RB1CC1: variants seen among roughly 807,000 people sequenced by gnomAD.
RB1CC1 encodes the protein RB1-inducible coiled-coil protein 1.
RB1CC1 carries 46 observed loss-of-function variants against 177.5 expected under a neutral mutation model. The observed-to-expected ratio is 0.26, with a 90% CI of 0.20 to 0.33. The LOEUF (loss-of-function observed/expected upper bound fraction) is 0.33, where lower values mean the gene tolerates loss of function less well. Among genes scored for constraint, RB1CC1 ranks in the 10% least tolerant of loss-of-function variants. The pLI, the probability that RB1CC1 is intolerant of heterozygous loss-of-function variation, is 1.00. For synonymous variants in RB1CC1, 666 were observed against 613.6 expected (o/e 1.09, Z -1.26); for missense variants, 1,703 against 1,816.3 (o/e 0.94, Z 1.13).
At position 52,627,997 on chromosome 8, in the gene RB1CC1, C is replaced by T. The variant is rs766656132; in HGVS notation, c.4636+35G>A. The T allele has an allele frequency of 7.3e-6, 11 of 1,508,626 alleles. No homozygotes were observed. In the Admixed American group the frequency reaches 2.8e-4, roughly 38 times the overall value. 93.5% of individuals were successfully genotyped at this position (1,508,626 alleles called of 1,614,324 possible). A position where few individuals can be genotyped will look rare whatever the true frequency, so the allele number is the denominator to read the frequency against. ...CTTTACTTATATAATTTCCTCCATTCCAGGTTTATATTTTAGTCATGGAAT... is the reference window on the plus strand; with the variant it reads ...CTTTACTTATATAATTTCCTCCATTTCAGGTTTATATTTTAGTCATGGAAT... On this transcript the variant is annotated intron_variant, in intron 22 of 23. Coordinates refer to ENST00000025008, the MANE Select transcript of RB1CC1 (RefSeq NM_014781.5).
chr8:52,658,503 G>C (rs997243450), intron 13 of RB1CC1, among the ~76,000 whole-genome samples: 5 of 151,358 alleles, frequency 3.3e-5, no homozygotes, highest in African/African-American at 1.2e-4. Flanking sequence ...CTGGAACATG[G>C]GAGGTGAAGG....
At position 52,673,884 on chromosome 8, in the gene RB1CC1, C is replaced by T. The variant is rs983697282; in HGVS notation, c.963G>A (p.Val321=). The T allele has an allele frequency of 1.2e-6, 2 of 1,612,484 alleles. No individual in the cohort carries two copies. Among genetic ancestry groups the T allele is most frequent in the Non-Finnish European group, 1.7e-6 (2 of 1,178,858 alleles). ...WINVQDRPND[V]ESLVRKCFDS... is the part of the protein sequence containing the mutation. ...CAAAGCACTTCCTGACCAAAGATTC[C>T]ACATCATTAGGTCTATCTTGAACAT... The change falls in exon 7 of 24, where the codon GTG becomes GTA. Residue 321 remains valine, a synonymous_variant. Coordinates refer to ENST00000025008, the MANE Select transcript of RB1CC1 (RefSeq NM_014781.5).
intron 2 of RB1CC1, among the ~76,000 whole-genome samples, chr8:52,686,371 C>A (rs569125825): frequency 6.6e-6 from 1 of 152,164 alleles, no homozygotes; most frequent in Non-Finnish European, 1.5e-5. Context: ...CAGCAACACC[C>A]TGTCTGCACA....
rs1416845904 is a variant in RB1CC1, at chr8:52,622,573, T to A, written c.*1209A>T. 1 of 152,052 alleles carries A rather than the reference T, an allele frequency of 6.6e-6. No homozygotes were observed. Among genetic ancestry groups the A allele is most frequent in the African/African-American group, 2.4e-5 (1 of 41,420 alleles). 9.4% of individuals were successfully genotyped at this position (152,052 alleles called of 1,614,324 possible). On this transcript the variant is annotated 3_prime_UTR_variant, in exon 24 of 24. Transcript: ENST00000025008. ...ATATTTAAAAAAATATTTAACTTAT[T>A]TTTATGAAGAAATTAAATATTTTCT...
chr8:52,682,651 A>C (rs11994843), intron 5 of RB1CC1, among the ~76,000 whole-genome samples: 1 of 152,086 alleles, frequency 6.6e-6, no homozygotes, highest in Non-Finnish European at 1.5e-5. Context: ...ACTTATTTTC[A>C]TATTTAATAC....
chr8:52,708,517 A>AAAACAAAC (rs141985049), intron 1 of RB1CC1, among the ~76,000 whole-genome samples: 1 of 151,876 alleles, frequency 6.6e-6, no homozygotes, highest in African/African-American at 2.4e-5. Context: ...ACTCGTCTCA[A>AAAACAAAC]AAACAAACAA....
At chr8:52,706,750 A>AG (rs1233205687) in intron 1 of RB1CC1, among the ~76,000 whole-genome samples, 13 of 150,900 alleles carry the variant, frequency 8.6e-5, no homozygotes, top group South Asian at 2.1e-4. Flanking sequence ...AAAAAAAAAA[A>AG]AGAGAGAGAG....
intron 16 of RB1CC1, among the ~76,000 whole-genome samples, chr8:52,645,144 C>G (rs1300811043): frequency 6.6e-6 from 1 of 152,066 alleles, no homozygotes; most frequent in Non-Finnish European, 1.5e-5. Context: ...TACTATTGAC[C>G]AACAACAGTA....
chr8:52,707,754 C>T (rs768522526), intron 1 of RB1CC1, among the ~76,000 whole-genome samples: 9 of 152,140 alleles, frequency 5.9e-5, no homozygotes, highest in Admixed American at 5.9e-4. Flanking sequence ...TTTGTCACCT[C>T]CGGTTCAGTA....
chr8:52,695,221 A>T lies in RB1CC1; in HGVS notation c.-166-8254T>A, dbSNP rs1855284392. Among the ~76,000 whole-genome samples the T allele has an allele frequency of 2.6e-5, 4 of 152,248 alleles. No homozygotes were observed. The South Asian group carries it at 8.3e-4, about 32-fold the overall frequency. ...AAATAAAATGTATAAAGAAGTAAAA[A>T]GTACTTTAGAAATACTAGTATAAAC... On this transcript the variant is annotated intron_variant, in intron 1 of 23. Transcript: ENST00000025008.
chr8:52,690,501 AG>A (rs1854744633), intron 1 of RB1CC1, among the ~76,000 whole-genome samples: 1 of 152,220 alleles, frequency 6.6e-6, no homozygotes. Context: ...GTGGGTAGGA[AG>A]AACGACTTAC....
intron 15 of RB1CC1, among the ~76,000 whole-genome samples, chr8:52,650,183 A>C (rs899683820): frequency 1.3e-5 from 2 of 152,228 alleles, no homozygotes; most frequent in African/African-American, 4.8e-5. Context: ...GTCCTCACAT[A>C]AGCATCTTTC....
intron 1 of RB1CC1, among the ~76,000 whole-genome samples, chr8:52,702,398 T>C (rs957979879): frequency 3.9e-5 from 6 of 152,174 alleles, no homozygotes; most frequent in African/African-American, 1.4e-4. Flanking sequence ...ATGAGCTGCA[T>C]GGCTTTATTA....
In RB1CC1 at chr8:52,675,714, C is replaced by CAAA. The variant is rs1306544323; in HGVS notation, c.572+652_572+654dup. 1.5e-3 allele frequency among the ~76,000 whole-genome samples: 93 copies of CAAA among 61,278 alleles called. 5 individuals carry two copies. Among genetic ancestry groups the CAAA allele is most frequent in the African/African-American group, 2.6e-3 (37 of 14,488 alleles). The allele number at this position is 61,278 out of a possible 152,430, so 40.2% of individuals were successfully genotyped here. A position where few individuals can be genotyped will look rare whatever the true frequency, so the allele number is the denominator to read the frequency against. On this transcript the variant is annotated intron_variant, in intron 6 of 23. Transcript: ENST00000025008. Reference sequence around the variant, plus strand: ...TGAAACCCCATCTCTACTAAAAATCCAAAAAAAAAAAAAAAAAAAAAAATT... The same window carrying CAAA: ...TGAAACCCCATCTCTACTAAAAATCCAAAAAAAAAAAAAAAAAAAAAAAAAATT...
Position 52,676,435 on chromosome 8 carries a change from A to T in RB1CC1, c.506T>A (p.Phe169Tyr), listed in dbSNP as rs374762275. ...DCSNSYQKLLFKFESIYSNYL... is the reference protein window; with the variant it reads ...DCSNSYQKLLYKFESIYSNYL... ...ATTTGAATAAATACTTTCAAACTTG[A>T]AAAGTAGCTTTTGGTATGAATTTGA... The change falls in exon 6 of 24, where the codon TTC (phenylalanine) becomes TAC (tyrosine). Residue 169 changes from phenylalanine (F) to tyrosine (Y), a missense_variant. By Grantham distance (22) the Phe-to-Tyr change is conservative. This residue lies in a region of RB1CC1 where 315 missense variants were observed against 304.9 expected (regional missense o/e 1.03). Coordinates refer to ENST00000025008, the MANE Select transcript of RB1CC1 (RefSeq NM_014781.5). The T allele has an allele frequency of 1.9e-6, 3 of 1,613,146 alleles. No individual in the cohort carries two copies. Among genetic ancestry groups the T allele is most frequent in the African/African-American group, 2.7e-5 (2 of 74,886 alleles).
intron 1 of RB1CC1, among the ~76,000 whole-genome samples, chr8:52,687,904 G>A (rs1854415173): frequency 6.6e-6 from 1 of 152,208 alleles, no homozygotes; most frequent in Non-Finnish European, 1.5e-5. Context: ...AGGGATATTA[G>A]GAGGATGTTG....
At chr8:52,636,903 C>T (rs961781490) in intron 18 of RB1CC1, among the ~76,000 whole-genome samples, 1 of 152,168 alleles carries the variant, frequency 6.6e-6, no homozygotes, top group African/African-American at 2.4e-5. Flanking sequence ...TTCAACCGAC[C>T]ATGAATACGA....
At chr8:52,633,117 G>A (rs1317530804) in intron 20 of RB1CC1, among the ~76,000 whole-genome samples, 1 of 152,106 alleles carries the variant, frequency 6.6e-6, no homozygotes, top group African/African-American at 2.4e-5. Flanking sequence ...TACACATACT[G>A]GTTGATATCT....
rs1320572282 is a variant in RB1CC1 at position 52,657,515 on chromosome 8, T to C, written c.2314A>G (p.Ile772Val). ...GTATCCTGCATTCGTCTACTGTCTA[T>C]CGCATTGATAACTGATGAATAAAGT... ...ESLYSSVINA[I>V]DSRRMQDTNV... The change falls in exon 15 of 24, where the codon ATA (isoleucine) becomes GTA (valine). Residue 772 changes from isoleucine (I) to valine (V), a missense_variant. By Grantham distance (29) the Ile-to-Val change is conservative. Transcript: ENST00000025008. The C allele has an allele frequency of 6.2e-7, 1 of 1,613,984 alleles. No individual in the cohort carries two copies. Among genetic ancestry groups the C allele is most frequent in the Non-Finnish European group, 8.5e-7 (1 of 1,180,020 alleles).
Sources: gnomAD v4.1 joint callset for allele counts (sites outside exome capture counted in the v4.1 genomes callset) on GRCh38, gnomAD v4.1.1 for gene constraint, gnomAD v4.1.1 regional missense constraint, MANE v1.5 for transcripts, NCBI Gene and HGNC (gene_info 2026-07-23, HGNC 2026-07-21) for gene names.